NFATC3: variants seen among roughly 807,000 people sequenced by gnomAD.
The protein encoded by NFATC3 is nuclear factor of activated T cells 3.
Under a neutral mutation model 98.6 loss-of-function variants are expected in NFATC3, and 46 were observed. That is an observed-to-expected ratio of 0.47 (90% CI 0.37 to 0.60). The LOEUF (loss-of-function observed/expected upper bound fraction) is 0.60. NFATC3 is among the 20% of genes least tolerant of loss of function. The pLI is 0.00. For synonymous variants in NFATC3, 512 were observed against 472.2 expected, an observed-to-expected ratio of 1.08 and a Z score of -1.09; for missense variants, 1,256 against 1,295.5, an observed-to-expected ratio of 0.97 and a Z score of 0.47.
intron 4 of NFATC3, among the ~76,000 whole-genome samples, chr16:68,160,745 C>T (rs1041679413): frequency 6.6e-6 from 1 of 151,786 alleles, no homozygotes. Flanking sequence ...AGTGCAGTGT[C>T]ACCATCTTAG....
chr16:68,135,275 G>A (rs1427392707), intron 3 of NFATC3, among the ~76,000 whole-genome samples: 1 of 151,742 alleles, frequency 6.6e-6, no homozygotes, highest in South Asian at 2.1e-4. Flanking sequence ...TGGCTAACAC[G>A]GTGAAACCCC....
chr16:68,132,065 CAT>C (rs930452822), intron 3 of NFATC3, among the ~76,000 whole-genome samples: 6 of 152,178 alleles, frequency 3.9e-5, no homozygotes, highest in South Asian at 2.1e-4. Context: ...GACGTGCTCT[CAT>C]GTGTACTGCT....
chr16:68,196,094 A>G (rs956414775), intron 9 of NFATC3, among the ~76,000 whole-genome samples: 1 of 152,024 alleles, frequency 6.6e-6, no homozygotes, highest in African/African-American at 2.4e-5. Flanking sequence ...TGAATTTTTG[A>G]TGCTTAATTT....
intron 1 of NFATC3, among the ~76,000 whole-genome samples, chr16:68,109,907 G>T (rs943223856): frequency 2.6e-5 from 4 of 152,046 alleles, no homozygotes; most frequent in African/African-American, 9.7e-5. Flanking sequence ...TTTCTGTGGG[G>T]TCAGTGGTGA....
intron 3 of NFATC3, among the ~76,000 whole-genome samples, chr16:68,134,503 C>T (rs1003205368): frequency 1.3e-5 from 2 of 152,036 alleles, no homozygotes; most frequent in African/African-American, 4.8e-5. Context: ...AGCTCATCTT[C>T]GAATAATAAC....
At chr16:68,093,857 A>C (rs1446345044) in intron 1 of NFATC3, among the ~76,000 whole-genome samples, 1 of 152,190 alleles carries the variant, frequency 6.6e-6, no homozygotes, top group African/African-American at 2.4e-5. Flanking sequence ...TTAAGTACAG[A>C]AAGACTCAGT....
At chr16:68,127,235 T>G (rs768648792) in intron 3 of NFATC3, among the ~76,000 whole-genome samples, 10 of 151,700 alleles carry the variant, frequency 6.6e-5, no homozygotes, top group Non-Finnish European at 1.0e-4. Context: ...TAAGTAAAAT[T>G]TAATCAGAAA....
chr16:68,094,435 A>G (rs1477284907), intron 1 of NFATC3, among the ~76,000 whole-genome samples: 1 of 151,904 alleles, frequency 6.6e-6, no homozygotes, highest in African/African-American at 2.4e-5. Context: ...AAAAAAAAAA[A>G]TGAGTACTAT....
chr16:68,228,455 G>C lies in NFATC3; in HGVS notation c.*1984G>C, dbSNP rs1490609144. 6.6e-6 allele frequency: 1 copy of C among 152,436 alleles called. No individual in the cohort carries two copies. The highest frequency in any genetic ancestry group is 1.5e-5 in the Non-Finnish European group (1 of 68,034). 9.4% of individuals were successfully genotyped at this position (152,436 alleles called of 1,614,324 possible). On this transcript the variant is annotated 3_prime_UTR_variant, in exon 10 of 10. Coordinates refer to ENST00000346183, the MANE Select transcript of NFATC3 (RefSeq NM_173165.3). ...AAGAGTTCCCCTTGCAATACCCTTT[G>C]TGCCCTCAAGAATTAAAAGCCTCTA... is the stretch of plus-strand genomic sequence containing the variant.
intron 1 of NFATC3, among the ~76,000 whole-genome samples, chr16:68,117,611 G>A (rs1196337429): frequency 1.3e-5 from 2 of 152,160 alleles, no homozygotes; most frequent in Admixed American, 6.6e-5. Flanking sequence ...AGGCTCAAAC[G>A]ACCCTCCTGC....
intron 9 of NFATC3, among the ~76,000 whole-genome samples, chr16:68,223,604 A>G (rs2041941608): frequency 6.6e-6 from 1 of 152,126 alleles, no homozygotes; most frequent in Non-Finnish European, 1.5e-5. Context: ...CCTGTCTCTT[A>G]AAAAACAAAA....
At chr16:68,211,437 CG>C (rs2041388278) in intron 9 of NFATC3, among the ~76,000 whole-genome samples, 2 of 151,780 alleles carry the variant, frequency 1.3e-5, no homozygotes, top group African/African-American at 4.8e-5. Context: ...CCTCCCGCCT[CG>C]GCCTCCCAAA....
At chr16:68,196,687 C>G (rs1237922994) in intron 9 of NFATC3, among the ~76,000 whole-genome samples, 1 of 151,246 alleles carries the variant, frequency 6.6e-6, no homozygotes, top group East Asian at 2.0e-4. Flanking sequence ...GAGTGAGAGA[C>G]TCCATCTCAA....
chr16:68,169,623 AT>A (rs1186100863), intron 5 of NFATC3, among the ~76,000 whole-genome samples: 1 of 151,954 alleles, frequency 6.6e-6, no homozygotes, highest in African/African-American at 2.4e-5. Flanking sequence ...CGCTAAAATG[AT>A]TCTTAATTTT....
chr16:68,205,376 A>C (rs1420442015), intron 9 of NFATC3, among the ~76,000 whole-genome samples: 1 of 151,940 alleles, frequency 6.6e-6, no homozygotes, highest in Non-Finnish European at 1.5e-5. Flanking sequence ...CAGCCTCCCG[A>C]GTAGCTGGGG....
At chr16:68,139,901 G>T (rs2037654962) in intron 3 of NFATC3, among the ~76,000 whole-genome samples, 1 of 152,206 alleles carries the variant, frequency 6.6e-6, no homozygotes. Context: ...TCAGATCTTT[G>T]TGAGAGCAAA....
rs2151188671 is a variant in NFATC3, at chr16:68,227,268, T to C, written c.*797T>C. ...TTTAAGGTGACTCTGAATGGTGGGG[T>C]TCTAGCTTGGTCACTTTCATTTCTT... On this transcript the variant is annotated 3_prime_UTR_variant, in exon 10 of 10. Transcript: ENST00000346183. 1 of 152,308 alleles carries C rather than the reference T, an allele frequency of 6.6e-6. No homozygotes were observed. The highest frequency in any genetic ancestry group is 2.4e-5 in the African/African-American group (1 of 41,574). The allele number at this position is 152,308 out of a possible 1,614,324, so 9.4% of individuals were successfully genotyped here.
chr16:68,171,754 C>T lies in NFATC3; in HGVS notation c.1775-2620C>T, dbSNP rs534596439. On this transcript the variant is annotated intron_variant, in intron 5 of 9. Transcript: ENST00000346183. ...CCTTCCAAAGTGCTGGGATTACAGA[C>T]GTGAGCCACCACGCCTGGCTGCATA... is the stretch of plus-strand genomic sequence containing the variant. Among the ~76,000 whole-genome samples the T allele has an allele frequency of 7.2e-5, 11 of 151,860 alleles. No homozygotes were observed. In the South Asian group the frequency reaches 8.3e-4, roughly 12 times the overall value.
chr16:68,171,068 C>T (rs997782201), intron 5 of NFATC3, among the ~76,000 whole-genome samples: 4 of 152,098 alleles, frequency 2.6e-5, no homozygotes, highest in Non-Finnish European at 5.9e-5. Flanking sequence ...AGTACAGTGG[C>T]ACGATCTCAG....
Sources: gnomAD v4.1 joint callset for allele counts (sites outside exome capture counted in the v4.1 genomes callset) on GRCh38, gnomAD v4.1.1 for gene constraint, MANE v1.5 for transcripts, NCBI Gene and HGNC (gene_info 2026-07-23, HGNC 2026-07-21) for gene names.